The following THSD7B variants were observed in gnomAD, a reference collection of about 807,000 sequenced individuals.
THSD7B encodes thrombospondin type-1 domain-containing protein 7B.
In THSD7B, 138 loss-of-function variants were observed where a neutral mutation model predicts 213.6. The observed-to-expected ratio is 0.65, with a 90% CI of 0.56 to 0.74. The LOEUF is 0.74. Among genes scored for constraint, THSD7B ranks in the 30% least tolerant of loss-of-function variants. The pLI is 0.00. For synonymous variants in THSD7B, 742 were observed against 687.0 expected (o/e 1.08, Z -1.25); for missense variants, 1,931 against 1,991.5 (o/e 0.97, Z 0.58).
At chr2:136,969,426 T>C (rs757917142) in intron 2 of THSD7B, among the ~76,000 whole-genome samples, 14 of 152,320 alleles carry the variant, frequency 9.2e-5, no homozygotes, top group Non-Finnish European at 1.5e-4. Flanking sequence ...CAGTAGTTTG[T>C]GAACTGCCTT....
chr2:136,798,515 G>T (rs1341454587), intron 1 of THSD7B, among the ~76,000 whole-genome samples: 1 of 151,936 alleles, frequency 6.6e-6, no homozygotes, highest in Non-Finnish European at 1.5e-5. Flanking sequence ...AGACTGTTCT[G>T]CATATTCCAG....
At chr2:137,171,588 C>A (rs1286769834) in intron 7 of THSD7B, among the ~76,000 whole-genome samples, 4 of 152,072 alleles carry the variant, frequency 2.6e-5, no homozygotes, top group Admixed American at 2.6e-4. Flanking sequence ...ACATGTAAAA[C>A]CTTGATCCTG....
chr2:137,594,973 G>A (rs1182778602), intron 17 of THSD7B, among the ~76,000 whole-genome samples: 4 of 151,936 alleles, frequency 2.6e-5, no homozygotes, highest in Non-Finnish European at 5.9e-5. Context: ...TACCATAAAT[G>A]AAATTGTTTT....
chr2:137,455,895 T>A (rs1558802745), intron 15 of THSD7B, among the ~76,000 whole-genome samples: 2 of 152,212 alleles, frequency 1.3e-5, no homozygotes, highest in African/African-American at 2.4e-5. Flanking sequence ...ATTAAAGCCC[T>A]GTTGGACTTA....
At chr2:137,594,478 T>C (rs187754333) in intron 17 of THSD7B, among the ~76,000 whole-genome samples, 6 of 152,126 alleles carry the variant, frequency 3.9e-5, no homozygotes, top group African/African-American at 1.2e-4. Context: ...CCCACTTCTA[T>C]ACAGTTTCAA....
chr2:137,048,633 T>C (rs1687010433), intron 2 of THSD7B, among the ~76,000 whole-genome samples: 1 of 152,240 alleles, frequency 6.6e-6, no homozygotes, highest in Non-Finnish European at 1.5e-5. Flanking sequence ...CCTTTTGTTT[T>C]ACGTATTTTT....
intron 15 of THSD7B, among the ~76,000 whole-genome samples, chr2:137,489,457 T>C (rs774915609): frequency 6.6e-6 from 1 of 151,962 alleles, no homozygotes; most frequent in Non-Finnish European, 1.5e-5. Context: ...AAAATTAGCC[T>C]ACCCAATCTC....
chr2:137,295,335 A>G (rs960883054), intron 12 of THSD7B, among the ~76,000 whole-genome samples: 2 of 152,100 alleles, frequency 1.3e-5, no homozygotes, highest in Non-Finnish European at 2.9e-5. Context: ...CTATTACACA[A>G]ATGCATATTT....
intron 21 of THSD7B, among the ~76,000 whole-genome samples, chr2:137,654,305 G>A (rs959116339): frequency 2.0e-5 from 3 of 152,164 alleles, no homozygotes; most frequent in African/African-American, 7.2e-5. Context: ...CTCCTACAGC[G>A]TGGTACTGCT....
At chr2:137,550,449 G>A (rs948734628) in intron 15 of THSD7B, among the ~76,000 whole-genome samples, 1 of 152,058 alleles carries the variant, frequency 6.6e-6, no homozygotes, top group Non-Finnish European at 1.5e-5. Flanking sequence ...GCTATAGGGG[G>A]AAATATAATA....
At chr2:137,084,699 A>G (rs573000744) in intron 3 of THSD7B, among the ~76,000 whole-genome samples, 3 of 152,316 alleles carry the variant, frequency 2.0e-5, no homozygotes, top group East Asian at 1.9e-4. Context: ...TGGTGAATCT[A>G]TAAGGTGGAC....
chr2:137,196,839 A>C (rs756979494), intron 7 of THSD7B, among the ~76,000 whole-genome samples: 11 of 152,132 alleles, frequency 7.2e-5, no homozygotes, highest in Non-Finnish European at 1.6e-4. Flanking sequence ...AATTTGCAAA[A>C]ATCTGAAATA....
chr2:137,014,213 G>T (rs1686290818), intron 2 of THSD7B, among the ~76,000 whole-genome samples: 1 of 152,150 alleles, frequency 6.6e-6, no homozygotes, highest in Non-Finnish European at 1.5e-5. Flanking sequence ...ACTCCTTCAG[G>T]ATGGTGAAGT....
intron 2 of THSD7B, among the ~76,000 whole-genome samples, chr2:136,933,426 A>G (rs1573718703): frequency 1.3e-5 from 2 of 152,068 alleles, no homozygotes; most frequent in Admixed American, 1.3e-4. Flanking sequence ...AAAGAATACA[A>G]TAATTAGCTG....
At chr2:137,576,321 G>A (rs1681460038) in intron 17 of THSD7B, among the ~76,000 whole-genome samples, 1 of 152,074 alleles carries the variant, frequency 6.6e-6, no homozygotes, top group Non-Finnish European at 1.5e-5. Flanking sequence ...CCAGAAAGAT[G>A]ACTTAGATTT....
At chr2:137,391,065 A>T (rs543618108) in intron 12 of THSD7B, among the ~76,000 whole-genome samples, 5 of 152,144 alleles carry the variant, frequency 3.3e-5, no homozygotes, top group African/African-American at 1.2e-4. Flanking sequence ...GGTGAAACTC[A>T]TCTGTGAATC....
chr2:136,817,105 T>A (rs778200), intron 1 of THSD7B, among the ~76,000 whole-genome samples: 1 of 152,192 alleles, frequency 6.6e-6, no homozygotes, highest in Non-Finnish European at 1.5e-5. Context: ...CGAAAAACAA[T>A]GCTAGCAGTA....
intron 20 of THSD7B, among the ~76,000 whole-genome samples, chr2:137,639,213 C>G (rs1281474294): frequency 6.6e-6 from 1 of 152,082 alleles, no homozygotes; most frequent in Non-Finnish European, 1.5e-5. Context: ...CCCTGTGTCC[C>G]AGCTGCTCCA....
At chr2:137,062,331 A>C (rs2104882511) in intron 3 of THSD7B, among the ~76,000 whole-genome samples, 1 of 149,652 alleles carries the variant, frequency 6.7e-6, no homozygotes, top group South Asian at 2.1e-4. Context: ...TTCTAATTTC[A>C]TTGATTTTGA....
Sources: allele counts gnomAD v4.1 joint callset (sites outside exome capture counted in the v4.1 genomes callset), GRCh38; gene constraint gnomAD v4.1.1; transcripts MANE v1.5; gene names NCBI Gene and HGNC (gene_info 2026-07-23, HGNC 2026-07-21).